CTNND2: variants seen among roughly 807,000 people sequenced by gnomAD.
The protein encoded by CTNND2 is catenin delta-2.
In CTNND2, 22 loss-of-function variants were observed where a neutral mutation model predicts 144.4. The observed-to-expected ratio is 0.15, with a 90% CI of 0.11 to 0.22. CTNND2 has a LOEUF of 0.22. Ranked by LOEUF, CTNND2 falls within the 10% of genes least tolerant of loss-of-function variation. CTNND2 has a pLI of 1.00. For synonymous variants in CTNND2, 751 were observed against 695.6 expected (o/e 1.08, Z -1.25); for missense variants, 1,353 against 1,618.8 (o/e 0.84, Z 2.82).
chr5:11,302,071 AGAAACC>A (rs2150034462), intron 9 of CTNND2, among the ~76,000 whole-genome samples: 1 of 152,314 alleles, frequency 6.6e-6, no homozygotes, highest in East Asian at 1.9e-4. Flanking sequence ...CTGTCGAATC[AGAAACC>A]TGTACCAAAT....
At chr5:11,152,190 C>T (rs1757803976) in intron 12 of CTNND2, among the ~76,000 whole-genome samples, 1 of 152,170 alleles carries the variant, frequency 6.6e-6, no homozygotes, top group Non-Finnish European at 1.5e-5. Context: ...CTTGTCCAGT[C>T]TGGGGCATAT....
chr5:11,472,874 G>A (rs1767357741), intron 3 of CTNND2, among the ~76,000 whole-genome samples: 1 of 152,136 alleles, frequency 6.6e-6, no homozygotes, highest in Non-Finnish European at 1.5e-5. Flanking sequence ...TCGTCTAAGA[G>A]GAGAGACCTT....
Position 11,374,243 on chromosome 5 carries a change from T to C in CTNND2, c.1178-9353A>G, listed in dbSNP as rs533519204. On this transcript the variant is annotated intron_variant, in intron 7 of 21. Coordinates refer to ENST00000304623, the MANE Select transcript of CTNND2 (RefSeq NM_001332.4). Reference sequence around the variant, plus strand: ...GCTGAGACCAGGTAGAATAAGAAATTATGGAGTGATTGAAATTTTGAATTT... The same window carrying C: ...GCTGAGACCAGGTAGAATAAGAAATCATGGAGTGATTGAAATTTTGAATTT... Among the ~76,000 whole-genome samples, 3 of 152,230 alleles carry C rather than the reference T, an allele frequency of 2.0e-5. No individual in the cohort carries two copies. The South Asian group carries it at 6.2e-4, about 32-fold the overall frequency.
At chr5:11,690,742 CAAAAAAAAAAAAAA>C (rs58799389) in intron 2 of CTNND2, among the ~76,000 whole-genome samples, 97 of 36,558 alleles carry the variant, frequency 2.7e-3, no homozygotes, top group South Asian at 6.6e-3. Flanking sequence ...GACTCCGTCT[CAAAAAAAAAAAAAA>C]AAAAAAAAAA....
At chr5:11,850,783 C>T (rs4510584) in intron 1 of CTNND2, among the ~76,000 whole-genome samples, 105,156 of 151,996 alleles carry the variant, frequency 0.69, 36,480 homozygotes, top group South Asian at 0.78. Flanking sequence ...TTCCCTGTAG[C>T]TCGAACATAC....
chr5:11,421,447 AAACAGGG>A (rs1762357248), intron 3 of CTNND2, among the ~76,000 whole-genome samples: 1 of 152,174 alleles, frequency 6.6e-6, no homozygotes, highest in African/African-American at 2.4e-5. Context: ...TCGAGGCACC[AAACAGGG>A]AAACACCCCA....
intron 9 of CTNND2, among the ~76,000 whole-genome samples, chr5:11,307,252 G>A (rs1286255131): frequency 2.6e-5 from 4 of 152,112 alleles, no homozygotes; most frequent in Non-Finnish European, 4.4e-5. Context: ...GATCAAGTGA[G>A]GGTAGATCAG....
Position 11,029,085 on chromosome 5 carries a change from A to T in CTNND2, c.2789-6106T>A, listed in dbSNP as rs181423240. Among the ~76,000 whole-genome samples, 500 of 152,322 alleles carry T rather than the reference A, an allele frequency of 3.3e-3. 4 individuals carry two copies. The highest frequency in any genetic ancestry group is 5.0e-3 in the Admixed American group (76 of 15,296). On this transcript the variant is annotated intron_variant, in intron 16 of 21. Transcript: ENST00000304623. ...TTTTGCTATTCTTCTGTTGACGAAA[A>T]ATTGGGTTGATACTTCATTTTCACT...
chr5:11,312,156 C>A (rs1333113714), intron 9 of CTNND2, among the ~76,000 whole-genome samples: 1 of 144,680 alleles, frequency 6.9e-6, no homozygotes, highest in East Asian at 2.1e-4. Context: ...CACACACACA[C>A]TCCCCATACA....
chr5:11,504,948 C>G (rs1770879222), intron 3 of CTNND2, among the ~76,000 whole-genome samples: 1 of 152,066 alleles, frequency 6.6e-6, no homozygotes, highest in South Asian at 2.1e-4. Flanking sequence ...CACAGAGACC[C>G]CACATGGCCT....
chr5:11,317,999 T>C (rs902849348), intron 9 of CTNND2, among the ~76,000 whole-genome samples: 4 of 152,156 alleles, frequency 2.6e-5, no homozygotes, highest in African/African-American at 9.7e-5. Flanking sequence ...GAGTTAGGTG[T>C]TGAACCATGT....
chr5:11,754,886 T>G (rs1788844850), intron 1 of CTNND2, among the ~76,000 whole-genome samples: 1 of 151,792 alleles, frequency 6.6e-6, no homozygotes. Flanking sequence ...TCTTGCTTCT[T>G]TATACAATTT....
At position 11,027,042 on chromosome 5, in the gene CTNND2, G is replaced by A. The variant is rs149190266; in HGVS notation, c.2789-4063C>T. On this transcript the variant is annotated intron_variant, in intron 16 of 21. Transcript: ENST00000304623. Reference sequence around the variant, plus strand: ...TATATTACTTATATGAGAGAATCACGTACCAAAATCCCGTCAGAGAGACAA... The same window carrying A: ...TATATTACTTATATGAGAGAATCACATACCAAAATCCCGTCAGAGAGACAA... Among the ~76,000 whole-genome samples, 186 of 152,220 alleles carry A rather than the reference G, an allele frequency of 1.2e-3. 3 individuals carry two copies. In the East Asian group the frequency reaches 0.018, roughly 15 times the overall value.
intron 16 of CTNND2, among the ~76,000 whole-genome samples, chr5:11,062,651 C>T (rs9312753): frequency 0.023 from 3,568 of 152,332 alleles, 153 homozygotes; most frequent in African/African-American, 0.081. Context: ...CCACTGGGGG[C>T]AGGCTCCCCT....
At chr5:11,355,305 C>A (rs1042169122) in intron 8 of CTNND2, among the ~76,000 whole-genome samples, 3 of 151,814 alleles carry the variant, frequency 2.0e-5, no homozygotes, top group Non-Finnish European at 4.4e-5. Flanking sequence ...TTAAAAAGAT[C>A]GTTCACTATG....
chr5:11,768,963 A>G lies in CTNND2; in HGVS notation c.38-36691T>C, dbSNP rs1053320932. On this transcript the variant is annotated intron_variant, in intron 1 of 21. Transcript: ENST00000304623. ...ACATAATCCAGCCCATTTCTCATTA[A>G]GGGGAAAGAAGATAGTTTTTGTATT... 7.9e-5 allele frequency among the ~76,000 whole-genome samples: 12 copies of G among 152,172 alleles called. 1 individual carries two copies. The highest frequency in any genetic ancestry group is 1.9e-4 in the African/African-American group (8 of 41,446).
At position 11,384,497 on chromosome 5, in the gene CTNND2, G is replaced by A. The variant is rs1020277147; in HGVS notation, c.1177+168C>T. 4 of 618,102 alleles carry A rather than the reference G, an allele frequency of 6.5e-6. No individual in the cohort carries two copies. In the African/African-American group the frequency reaches 7.4e-5, roughly 11 times the overall value. 38.3% of individuals were successfully genotyped at this position (618,102 alleles called of 1,614,324 possible). ...AAAAGAAGTCACTGACAAACTGTAGGGAAGATACTGACTTGTTCCAGGAAA... is the reference window on the plus strand; with the variant it reads ...AAAAGAAGTCACTGACAAACTGTAGAGAAGATACTGACTTGTTCCAGGAAA... On this transcript the variant is annotated intron_variant, in intron 7 of 21. Transcript: ENST00000304623. The surrounding 1 kb of genome is among the most constrained non-coding windows in gnomAD (Gnocchi z 5.2).
At chr5:11,096,795 G>A (rs1751396277) in intron 15 of CTNND2, among the ~76,000 whole-genome samples, 1 of 146,316 alleles carries the variant, frequency 6.8e-6, no homozygotes, top group Admixed American at 6.9e-5. Context: ...GAGGAAGAGA[G>A]AGAGAGACAG....
intron 6 of CTNND2, among the ~76,000 whole-genome samples, chr5:11,395,210 A>G (rs1759977211): frequency 6.6e-6 from 1 of 152,228 alleles, no homozygotes; most frequent in Non-Finnish European, 1.5e-5. Context: ...TATTTGTTGA[A>G]CGTTTCTCTG....
Sources: gnomAD v4.1 joint callset for allele counts (sites outside exome capture counted in the v4.1 genomes callset) on GRCh38, gnomAD v4.1.1 for gene constraint, Gnocchi (gnomAD v3.1) non-coding constraint, MANE v1.5 for transcripts, NCBI Gene and HGNC (gene_info 2026-07-23, HGNC 2026-07-21) for gene names.